The following TTC28 variants were observed in gnomAD, a reference collection of about 807,000 sequenced individuals.
TTC28 encodes tetratricopeptide repeat protein 28.
TTC28 carries 61 observed loss-of-function variants against 198.0 expected under a neutral mutation model. The ratio of observed to expected loss-of-function variants is 0.31; its 90% CI spans 0.25 to 0.38. TTC28 has a LOEUF of 0.38. Among genes scored for constraint, TTC28 ranks in the 10% least tolerant of loss-of-function variants. TTC28 has a pLI of 1.00. For missense variants in TTC28, 2,678 were observed against 3,164.0 expected (o/e 0.85, Z 3.69); for synonymous variants, 1,171 against 1,297.8 (o/e 0.90, Z 2.10).
At chr22:28,449,636 T>C (rs966013751) in intron 2 of TTC28, among the ~76,000 whole-genome samples, 3 of 152,232 alleles carry the variant, frequency 2.0e-5, no homozygotes, top group Non-Finnish European at 4.4e-5. Flanking sequence ...TGACTTAGAA[T>C]ACAATGATGA....
At chr22:27,995,081 A>C (rs556459864) in intron 17 of TTC28, among the ~76,000 whole-genome samples, 1 of 152,300 alleles carries the variant, frequency 6.6e-6, no homozygotes, top group Non-Finnish European at 1.5e-5. Flanking sequence ...TATCCTCAGA[A>C]GTGCATGTAG....
intron 2 of TTC28, among the ~76,000 whole-genome samples, chr22:28,452,349 C>T (rs1347139672): frequency 7.4e-6 from 1 of 136,006 alleles, no homozygotes; most frequent in Non-Finnish European, 1.5e-5. Flanking sequence ...GAGATTGTGC[C>T]ACTGCACTCC....
intron 2 of TTC28, among the ~76,000 whole-genome samples, chr22:28,477,263 A>G (rs1475321988): frequency 1.3e-5 from 2 of 152,232 alleles, no homozygotes; most frequent in Non-Finnish European, 2.9e-5. Context: ...ATTCAGATTT[A>G]TCAAAAACAA....
At chr22:28,346,242 G>A (rs1391525037) in intron 2 of TTC28, among the ~76,000 whole-genome samples, 1 of 152,208 alleles carries the variant, frequency 6.6e-6, no homozygotes, top group African/African-American at 2.4e-5. Context: ...CTTCCTACAT[G>A]TTGGTTCATA....
intron 13 of TTC28, among the ~76,000 whole-genome samples, chr22:28,028,390 A>G (rs1019691418): frequency 7.2e-5 from 11 of 152,256 alleles, no homozygotes; most frequent in Non-Finnish European, 1.0e-4. Flanking sequence ...TGCTCAGGAC[A>G]GAAACCATCT....
intron 12 of TTC28, among the ~76,000 whole-genome samples, chr22:28,066,530 C>T (rs920343876): frequency 6.6e-6 from 1 of 152,170 alleles, no homozygotes; most frequent in African/African-American, 2.4e-5. Context: ...CTACTCTCTT[C>T]TTCTATGACT....
chr22:28,147,269 A>C (rs2147003977), intron 6 of TTC28, among the ~76,000 whole-genome samples: 1 of 152,356 alleles, frequency 6.6e-6, no homozygotes, highest in African/African-American at 2.4e-5. Flanking sequence ...ATTATGCTGA[A>C]GAGTCTTAAA....
intron 5 of TTC28, among the ~76,000 whole-genome samples, chr22:28,190,638 A>G (rs1924642753): frequency 1.3e-5 from 2 of 152,250 alleles, no homozygotes; most frequent in South Asian, 4.1e-4. Context: ...AAACAACAAC[A>G]ATAAAGTAAC....
rs139995047 is a variant in TTC28, at chr22:28,230,125, A to T, written c.933+66073T>A. ...CTGCATCCTGCAAGAGCAGATTCTGACCGGCATCACTTCCGCAGTGAAAGG... is the reference window on the plus strand; with the variant it reads ...CTGCATCCTGCAAGAGCAGATTCTGTCCGGCATCACTTCCGCAGTGAAAGG... On this transcript the variant is annotated intron_variant, in intron 5 of 22. Coordinates refer to ENST00000397906, the MANE Select transcript of TTC28 (RefSeq NM_001145418.2). Among the ~76,000 whole-genome samples, 633 of 152,350 alleles carry T rather than the reference A, an allele frequency of 4.2e-3. 4 individuals are homozygous for T. Among genetic ancestry groups the T allele is most frequent in the Non-Finnish European group, 6.6e-3 (452 of 68,042 alleles).
At chr22:28,153,632 T>C (rs1269850922) in intron 6 of TTC28, among the ~76,000 whole-genome samples, 1 of 152,136 alleles carries the variant, frequency 6.6e-6, no homozygotes, top group African/African-American at 2.4e-5. Flanking sequence ...AATATGTCGA[T>C]TTTATTCATT....
At chr22:28,556,766 C>G (rs2049793067) in intron 2 of TTC28, among the ~76,000 whole-genome samples, 1 of 152,224 alleles carries the variant, frequency 6.6e-6, no homozygotes, top group Admixed American at 6.5e-5. Context: ...CTATAATCAT[C>G]TGAAGGGCTG....
At chr22:28,472,632 A>G (rs189107938) in intron 2 of TTC28, among the ~76,000 whole-genome samples, 41 of 151,954 alleles carry the variant, frequency 2.7e-4, no homozygotes, top group African/African-American at 9.2e-4. Flanking sequence ...CAACCGTAAA[A>G]TAAGAACAGG....
At chr22:28,536,338 G>A (rs1422844301) in intron 2 of TTC28, among the ~76,000 whole-genome samples, 1 of 150,962 alleles carries the variant, frequency 6.6e-6, no homozygotes, top group Non-Finnish European at 1.5e-5. Context: ...AAACTACTTA[G>A]AGGCGGCCGG....
At chr22:28,532,510 C>T (rs1459057405) in intron 2 of TTC28, among the ~76,000 whole-genome samples, 1 of 152,186 alleles carries the variant, frequency 6.6e-6, no homozygotes, top group Non-Finnish European at 1.5e-5. Context: ...CCTTCTGAAA[C>T]TATTCCAATC....
At chr22:28,272,758 A>C (rs564546595) in intron 5 of TTC28, among the ~76,000 whole-genome samples, 9 of 152,322 alleles carry the variant, frequency 5.9e-5, no homozygotes, top group Admixed American at 2.0e-4. Flanking sequence ...AACTTAGCAG[A>C]GCTTTCAGCA....
intron 12 of TTC28, among the ~76,000 whole-genome samples, chr22:28,090,126 A>T (rs1941767934): frequency 6.6e-6 from 1 of 152,094 alleles, no homozygotes; most frequent in Admixed American, 6.6e-5. Context: ...ATAATAAAAA[A>T]AGTACTATAT....
chr22:28,154,067 T>A (rs1943682998), intron 6 of TTC28, among the ~76,000 whole-genome samples: 1 of 152,160 alleles, frequency 6.6e-6, no homozygotes, highest in Non-Finnish European at 1.5e-5. Context: ...CCTACTGACT[T>A]TCCTAATTGC....
chr22:28,421,366 CA>C (rs2047250509), intron 2 of TTC28, among the ~76,000 whole-genome samples: 1 of 152,060 alleles, frequency 6.6e-6, no homozygotes, highest in South Asian at 2.1e-4. Flanking sequence ...GAAATCTTTA[CA>C]AAGAATTGTT....
intron 2 of TTC28, among the ~76,000 whole-genome samples, chr22:28,383,870 C>T (rs1160225145): frequency 6.6e-6 from 1 of 152,228 alleles, no homozygotes; most frequent in African/African-American, 2.4e-5. Context: ...CATGTCAACA[C>T]TTTGCTCAAA....
Sources: allele counts gnomAD v4.1 joint callset (sites outside exome capture counted in the v4.1 genomes callset), GRCh38; gene constraint gnomAD v4.1.1; transcripts MANE v1.5; gene names NCBI Gene and HGNC (gene_info 2026-07-23, HGNC 2026-07-21).